The following SLC18A1 variants were observed in gnomAD, a reference collection of about 807,000 sequenced individuals.
SLC18A1 encodes chromaffin granule amine transporter.
A neutral mutation model predicts 53.7 loss-of-function variants in SLC18A1; 69 were observed. That is an observed-to-expected ratio of 1.28 (90% confidence interval 1.06 to 1.57). The LOEUF is 1.57. Ranked by LOEUF, SLC18A1 falls within the 40% of genes most tolerant of loss-of-function variation. The pLI is 0.00. For missense variants in SLC18A1, 932 were observed against 668.1 expected, an observed-to-expected ratio of 1.40 and a Z score of -4.35; for synonymous variants, 320 against 248.1, an observed-to-expected ratio of 1.29 and a Z score of -2.72.
intron 8 of SLC18A1, among the ~76,000 whole-genome samples, chr8:20,170,846 T>TAGAC (rs2072096158): frequency 6.6e-6 from 1 of 151,962 alleles, no homozygotes; most frequent in Non-Finnish European, 1.5e-5. Context: ...TATAGATAGA[T>TAGAC]AGATAGATAG....
At chr8:20,181,122 G>T in intron 1 of SLC18A1, 35 bp from the exon 2 acceptor site, 1 of 701,622 alleles carries the variant, frequency 1.4e-6, no homozygotes, top group Non-Finnish European at 2.3e-6. Context: ...GTTGCAAGTA[G>T]TAGGATGATA....
At position 20,183,088 on chromosome 8, in the gene SLC18A1, A is replaced by G. The variant is rs1163884460; in HGVS notation, c.-149T>C. 1 of 152,208 alleles carries G rather than the reference A, an allele frequency of 6.6e-6. No homozygotes were observed. Among genetic ancestry groups the G allele is most frequent in the Non-Finnish European group, 1.5e-5 (1 of 68,036 alleles). 9.4% of individuals were successfully genotyped at this position (152,208 alleles called of 1,614,324 possible). ...CTTGGAGCCCATGTTGGTGTGAGGC[A>G]CTCAGTGAGGTATTGGCAGCTGTTA... is the stretch of plus-strand genomic sequence containing the variant. On this transcript the variant is annotated 5_prime_UTR_variant, in exon 1 of 16. Transcript: ENST00000276373.
intron 8 of SLC18A1, among the ~76,000 whole-genome samples, chr8:20,165,892 TC>T (rs2071946052): frequency 6.6e-6 from 1 of 152,290 alleles, no homozygotes; most frequent in Admixed American, 6.5e-5. Context: ...TATGTCCTAA[TC>T]CTTCATGGTG....
At chr8:20,148,393 C>T (rs1162207628) in intron 12 of SLC18A1, 11 of 1,163,514 alleles carry the variant, frequency 9.5e-6, no homozygotes, top group South Asian at 1.3e-5. Context: ...ATACTTTCTC[C>T]CCTTCCTCTA....
intron 1 of SLC18A1, among the ~76,000 whole-genome samples, chr8:20,182,581 A>G (rs2072457023): frequency 6.6e-6 from 1 of 152,212 alleles, no homozygotes; most frequent in South Asian, 2.1e-4. Flanking sequence ...TTAAAGAAGT[A>G]AATAATTTTA....
chr8:20,147,183 A>G (rs530999514), intron 15 of SLC18A1, 75 bp downstream of exon 15: 46 of 1,498,784 alleles, frequency 3.1e-5, no homozygotes, highest in Non-Finnish European at 3.9e-5. Flanking sequence ...ATAACAGCCC[A>G]GGATGAAAGG....
At chr8:20,149,820 C>T in intron 11 of SLC18A1, 93 bp from the exon 12 acceptor site, 2 of 1,186,612 alleles carry the variant, frequency 1.7e-6, no homozygotes, top group Non-Finnish European at 2.5e-6. Context: ...CCCACCAGCC[C>T]TAATCCCAGC....
At position 20,183,044 on chromosome 8, in the gene SLC18A1, G is replaced by A. The variant is rs1021366868; in HGVS notation, c.-124+19C>T. 10 of 152,176 alleles carry A rather than the reference G, an allele frequency of 6.6e-5. No individual in the cohort carries two copies. The highest frequency in any genetic ancestry group is 4.6e-4 in the Admixed American group (7 of 15,278). 9.4% of individuals were successfully genotyped at this position (152,176 alleles called of 1,614,324 possible). A position where few individuals can be genotyped will look rare whatever the true frequency, so the allele number is the denominator to read the frequency against. ...TCACAAGGAAAGATTAAATTTGTCC[G>A]GAGAGAGAAAAATCTTACCTTGGAG... On this transcript the variant is annotated intron_variant, in intron 1 of 15. Transcript: ENST00000276373.
chr8:20,150,790 T>A, intron 10 of SLC18A1, 46 bp from the exon 11 acceptor site: 1 of 1,530,278 alleles, frequency 6.5e-7, no homozygotes, highest in Non-Finnish European at 9.1e-7. Context: ...TCCAATTTAC[T>A]CTAAAATGCC....
intron 8 of SLC18A1, among the ~76,000 whole-genome samples, chr8:20,166,886 G>A (rs1242782655): frequency 1.3e-5 from 2 of 152,110 alleles, no homozygotes; most frequent in African/African-American, 4.8e-5. Context: ...CTCTTCCTCT[G>A]TGCATGCACA....
chr8:20,148,151 T>C (rs2071451562), intron 12 of SLC18A1, 81 bp from the exon 13 acceptor site: 1 of 1,264,600 alleles, frequency 7.9e-7, no homozygotes, highest in South Asian at 1.2e-5. Flanking sequence ...TCACATGAAA[T>C]GCATTTATTC....
At chr8:20,160,178 T>A (rs1319447743) in intron 10 of SLC18A1, among the ~76,000 whole-genome samples, 2 of 151,272 alleles carry the variant, frequency 1.3e-5, no homozygotes, top group Non-Finnish European at 2.9e-5. Context: ...CCTGGACAGG[T>A]GGCAATCTGT....
At chr8:20,146,048 T>A (rs2071388639) in intron 15 of SLC18A1, among the ~76,000 whole-genome samples, 172 bp from the exon 16 acceptor site, 1 of 152,054 alleles carries the variant, frequency 6.6e-6, no homozygotes, top group South Asian at 2.1e-4. Context: ...CCAGAGTAGC[T>A]GGAACTACAG....
chr8:20,146,101 G>A (rs887633629), intron 15 of SLC18A1, among the ~76,000 whole-genome samples: 3 of 152,130 alleles, frequency 2.0e-5, no homozygotes, highest in African/African-American at 7.2e-5. Context: ...ATTTTTAGCA[G>A]AGACGGGGTT....
At chr8:20,158,812 T>C (rs2071744961) in intron 10 of SLC18A1, among the ~76,000 whole-genome samples, 1 of 152,098 alleles carries the variant, frequency 6.6e-6, no homozygotes, top group African/African-American at 2.4e-5. Context: ...TGACTCACAG[T>C]CCTGGACCTT....
intron 10 of SLC18A1, among the ~76,000 whole-genome samples, chr8:20,158,395 A>G (rs2071734182): frequency 6.6e-6 from 1 of 152,200 alleles, no homozygotes; most frequent in South Asian, 2.1e-4. Flanking sequence ...AGCAGGGGCC[A>G]TTATACACCT....
rs368961866 is a variant in SLC18A1, at chr8:20,171,506, T to C, written c.725-12A>G. The C allele has an allele frequency of 1.1e-5, 18 of 1,603,346 alleles. No individual in the cohort carries two copies. The African/African-American group carries it at 1.5e-4, about 13-fold the overall frequency. ...AAAGGGAGCTCCCACTGGAGAGGCA[T>C]AGGAGACACAGATTCCAGAGGTGAG... On this transcript the variant is annotated splice_polypyrimidine_tract_variant and intron_variant, in intron 6 of 15. Transcript: ENST00000276373.
chr8:20,171,789 G>T (rs541391968), intron 6 of SLC18A1, among the ~76,000 whole-genome samples: 4 of 152,156 alleles, frequency 2.6e-5, no homozygotes, highest in African/African-American at 9.7e-5. Context: ...ACAGTAAAAT[G>T]TTGCATGCAA....
chr8:20,166,512 T>C (rs149473590), intron 8 of SLC18A1, among the ~76,000 whole-genome samples: 55 of 150,642 alleles, frequency 3.7e-4, no homozygotes, highest in African/African-American at 1.2e-3. Context: ...GAAAAAACAC[T>C]AAGACACAGG....
Sources: allele counts gnomAD v4.1 joint callset (sites outside exome capture counted in the v4.1 genomes callset), GRCh38; gene constraint gnomAD v4.1.1; transcripts MANE v1.5; gene names NCBI Gene and HGNC (gene_info 2026-07-23, HGNC 2026-07-21).